Variants in FAM200B observed in about 807,000 individuals in gnomAD.
FAM200B encodes the protein zinc finger BED-type containing 11, also known as protein FAM200B.
Under a neutral mutation model 33.1 loss-of-function variants are expected in FAM200B, and 32 were observed. The observed-to-expected ratio is 0.97, with a 90% confidence interval of 0.73 to 1.30. FAM200B has a LOEUF of 1.30. Among genes scored for constraint, FAM200B ranks in the 50% most tolerant of loss-of-function variants. FAM200B has a pLI of 0.00. For synonymous variants in FAM200B, 240 were observed against 264.8 expected (o/e 0.91, Z 0.91); for missense variants, 741 against 754.0 (o/e 0.98, Z 0.20).
chr4:15,666,427 A>G, the FAM200B span, among the ~76,000 whole-genome samples: 1 of 152,034 alleles, frequency 6.6e-6, no homozygotes, highest in Non-Finnish European at 1.5e-5. Context: ...CACATACCAC[A>G]TGATCTCACA....
chr4:15,646,979 T>C, the FAM200B span, among the ~76,000 whole-genome samples: 2 of 151,806 alleles, frequency 1.3e-5, no homozygotes. Context: ...TCCCAGCACT[T>C]TGAGAGGCTG....
chr4:15,651,235 T>C, the FAM200B span, among the ~76,000 whole-genome samples: 1 of 152,106 alleles, frequency 6.6e-6, no homozygotes, highest in Admixed American at 6.5e-5. Flanking sequence ...CTGTTTTGCA[T>C]AAAATCATAG....
rs1468900522 is a variant in FAM200B at position 15,688,725 on chromosome 4, T to A, written c.1748T>A (p.Phe583Tyr). The A allele has an allele frequency of 6.4e-7, 1 of 1,550,530 alleles. No homozygotes were observed. The highest frequency in any genetic ancestry group is 8.7e-7 in the Non-Finnish European group (1 of 1,146,218). The change falls in exon 2 of 2, where the codon TTT (phenylalanine) becomes TAT (tyrosine). Residue 583 changes from phenylalanine to tyrosine, a missense_variant. Coordinates refer to ENST00000422728, the MANE Select transcript of FAM200B (RefSeq NM_001145191.2). ...NDYETLSLSAFWMKVKEDFPL... is the reference protein window; with the variant it reads ...NDYETLSLSAYWMKVKEDFPL... ...TATGAAACCTTAAGTTTATCAGCAT[T>A]TTGGATGAAGGTAAAGGAAGACTTT...
chr4:15,664,483 G>A, the FAM200B span, among the ~76,000 whole-genome samples: 13,916 of 147,276 alleles, frequency 0.094, 783 homozygotes, highest in Non-Finnish European at 0.13. Context: ...CACTTATAAA[G>A]TTAAATATAC....
chr4:15,637,527 T>A, the FAM200B span, among the ~76,000 whole-genome samples: 1 of 152,206 alleles, frequency 6.6e-6, no homozygotes, highest in Non-Finnish European at 1.5e-5. Context: ...CTACCACTTT[T>A]AAACTGCCAA....
At chr4:15,652,970 C>A in the FAM200B span, among the ~76,000 whole-genome samples, 2 of 152,110 alleles carry the variant, frequency 1.3e-5, no homozygotes, top group African/African-American at 4.8e-5. Context: ...ACAAGGTACT[C>A]TTCCTTTAAT....
the FAM200B span, among the ~76,000 whole-genome samples, chr4:15,668,917 C>T: frequency 6.6e-6 from 1 of 152,140 alleles, no homozygotes; most frequent in Non-Finnish European, 1.5e-5. Flanking sequence ...AACACAGTAG[C>T]TCATTTACTT....
At chr4:15,682,113 C>T (rs1160102534) in intron 1 of FAM200B, 1 of 152,356 alleles carries the variant, frequency 6.6e-6, no homozygotes, top group Non-Finnish European at 1.5e-5. Flanking sequence ...CTAGCTGGGT[C>T]CCTGGAGGAC....
At chr4:15,639,844 A>G in the FAM200B span, among the ~76,000 whole-genome samples, 2 of 152,214 alleles carry the variant, frequency 1.3e-5, no homozygotes, top group Non-Finnish European at 2.9e-5. Context: ...ATTTGATTAT[A>G]AGGTGAAGCT....
the FAM200B span, chr4:15,655,364 G>GGCGCGCCCCCTTGCGC: frequency 3.4e-6 from 4 of 1,159,496 alleles, no homozygotes; most frequent in Non-Finnish European, 4.3e-6. Context: ...GGGCAGAGGC[G>GGCGCGCCCCCTTGCGC]GCGCGCCCCC....
At chr4:15,664,226 A>G in the FAM200B span, among the ~76,000 whole-genome samples, 1 of 152,126 alleles carries the variant, frequency 6.6e-6, no homozygotes. Flanking sequence ...TCTCTAATTC[A>G]TCCCTTCTCT....
the FAM200B span, among the ~76,000 whole-genome samples, chr4:15,676,079 C>T: frequency 2.5e-3 from 378 of 152,278 alleles, 2 homozygotes; most frequent in African/African-American, 8.7e-3. Flanking sequence ...CTTAGCTTCT[C>T]CATCTAAAAC....
chr4:15,671,693 C>T, the FAM200B span, among the ~76,000 whole-genome samples: 1 of 152,134 alleles, frequency 6.6e-6, no homozygotes, highest in African/African-American at 2.4e-5. Flanking sequence ...GCTCCCTTCC[C>T]CTACTCCCAT....
chr4:15,687,169 T>G lies in FAM200B; in HGVS notation c.192T>G (p.Asn64Lys). The change falls in exon 2 of 2, where the codon AAT becomes AAG. Residue 64 changes from asparagine to lysine, a missense_variant. Coordinates refer to ENST00000422728, the MANE Select transcript of FAM200B (RefSeq NM_001145191.2). ...AAAAAGTAAGTGCAAGACGTTATAA[T>G]GAAGATTACTTAAAATATGGCTTTA... ...KKKKVSARRY[N>K]EDYLKYGFIK... 1 of 1,542,404 alleles carries G rather than the reference T, an allele frequency of 6.5e-7. No homozygotes were observed. The highest frequency in any genetic ancestry group is 8.7e-7 in the Non-Finnish European group (1 of 1,143,200).
chr4:15,667,242 T>C, the FAM200B span, among the ~76,000 whole-genome samples: 3 of 152,196 alleles, frequency 2.0e-5, no homozygotes, highest in Admixed American at 2.0e-4. Flanking sequence ...CTCTTTAACC[T>C]TGATGGCAGT....
Position 15,689,045 on chromosome 4 carries a change from CTTTTG to C in FAM200B, c.*97_*101del. The C allele has an allele frequency of 2.2e-6, 2 of 916,660 alleles. No individual in the cohort carries two copies. Among genetic ancestry groups the C allele is most frequent in the South Asian group, 4.7e-5 (1 of 21,338 alleles). The allele number at this position is 916,660 out of a possible 1,614,324, so 56.8% of individuals were successfully genotyped here. On this transcript the variant is annotated 3_prime_UTR_variant, in exon 2 of 2. Transcript: ENST00000422728. ...TAAATGGTACTATAATACTGTGATA[CTTTTG>C]TTATGTTTTAATTTTTGTTATATTT... is the stretch of plus-strand genomic sequence containing the variant.
At chr4:15,640,760 T>C in the FAM200B span, 76 of 1,239,126 alleles carry the variant, frequency 6.1e-5, no homozygotes, top group Non-Finnish European at 7.9e-5. Flanking sequence ...GTTATAAATC[T>C]AAATCACGAA....
chr4:15,668,028 C>T, the FAM200B span, among the ~76,000 whole-genome samples: 3 of 138,612 alleles, frequency 2.2e-5, no homozygotes, highest in East Asian at 2.0e-4. Flanking sequence ...GCAACAAGAG[C>T]AAAACTCTAT....
the FAM200B span, among the ~76,000 whole-genome samples, chr4:15,666,040 C>T: frequency 4.6e-5 from 7 of 151,536 alleles, no homozygotes; most frequent in Non-Finnish European, 8.8e-5. Flanking sequence ...AAAAAAATGA[C>T]CATTTCCTCA....
Sources: gnomAD v4.1 joint callset for allele counts (sites outside exome capture counted in the v4.1 genomes callset) on GRCh38, gnomAD v4.1.1 for gene constraint, MANE v1.5 for transcripts, NCBI Gene and HGNC (gene_info 2026-07-23, HGNC 2026-07-21) for gene names.